C1orf21: variants seen among roughly 807,000 people sequenced by gnomAD.
C1orf21 encodes uncharacterized protein C1orf21.
A neutral mutation model predicts 18.7 loss-of-function variants in C1orf21; 3 were observed. That is an observed-to-expected ratio of 0.16 (90% CI 0.07 to 0.42). C1orf21 has a LOEUF of 0.42. Among genes scored for constraint, C1orf21 ranks in the 10% least tolerant of loss-of-function variants. The pLI is 0.99. For missense variants in C1orf21, 104 were observed against 143.6 expected, an observed-to-expected ratio of 0.72 and a Z score of 1.41; for synonymous variants, 41 against 46.4, an observed-to-expected ratio of 0.88 and a Z score of 0.47.
chr1:184,619,391 A>G (rs940778482), intron 5 of C1orf21, 127 bp from the exon 6 acceptor site: 7 of 979,628 alleles, frequency 7.1e-6, no homozygotes, highest in African/African-American at 1.7e-5. Context: ...TGTGCCAGCT[A>G]TCACTGACAA....
chr1:184,399,838 C>T (rs2101956476), intron 1 of C1orf21, among the ~76,000 whole-genome samples: 1 of 152,252 alleles, frequency 6.6e-6, no homozygotes, highest in East Asian at 1.9e-4. Context: ...ATTCTGTCAT[C>T]CCTTCTGCAT....
intron 1 of C1orf21, among the ~76,000 whole-genome samples, chr1:184,430,558 T>G (rs1222310434): frequency 6.6e-6 from 1 of 152,224 alleles, no homozygotes; most frequent in African/African-American, 2.4e-5. Context: ...AAATTTGAAT[T>G]TATAGAATTT....
At chr1:184,590,908 T>G (rs1659427490) in intron 4 of C1orf21, 93 bp downstream of exon 4, 3 of 1,199,272 alleles carry the variant, frequency 2.5e-6, no homozygotes, top group Non-Finnish European at 2.4e-6. Context: ...ATCAAAAATA[T>G]TCAAAAAATA....
chr1:184,619,323 C>A (rs1395844277), intron 5 of C1orf21, among the ~76,000 whole-genome samples, 195 bp from the exon 6 acceptor site: 1 of 152,082 alleles, frequency 6.6e-6, no homozygotes, highest in Non-Finnish European at 1.5e-5. Context: ...AACTGTCATG[C>A]CTTGAAGTAT....
chr1:184,432,428 C>T (rs1427265717), intron 1 of C1orf21, among the ~76,000 whole-genome samples: 5 of 152,032 alleles, frequency 3.3e-5, no homozygotes, highest in Non-Finnish European at 5.9e-5. Context: ...AACAGAAAAC[C>T]AAACACTGCA....
intron 1 of C1orf21, among the ~76,000 whole-genome samples, chr1:184,456,441 C>A (rs1290552531): frequency 6.6e-6 from 1 of 152,044 alleles, no homozygotes; most frequent in Non-Finnish European, 1.5e-5. Context: ...TTTAATTAAC[C>A]AAGTTAAGTA....
At chr1:184,591,041 G>A (rs1224364186) in intron 4 of C1orf21, among the ~76,000 whole-genome samples, 6 of 152,180 alleles carry the variant, frequency 3.9e-5, no homozygotes, top group African/African-American at 1.2e-4. Context: ...ATCTAGAGAT[G>A]ATTTAGAGTA....
intron 3 of C1orf21, among the ~76,000 whole-genome samples, chr1:184,559,593 T>TCCTC (rs760280990): frequency 1.4e-4 from 17 of 117,994 alleles, no homozygotes; most frequent in Admixed American, 1.3e-3. Context: ...CTTCCTCCCT[T>TCCTC]CCTTCCTTCC....
intron 4 of C1orf21, among the ~76,000 whole-genome samples, chr1:184,593,752 G>T (rs575603207): frequency 2.0e-5 from 3 of 152,182 alleles, no homozygotes; most frequent in Non-Finnish European, 4.4e-5. Context: ...AGGAGGTTGC[G>T]TGAATGCACC....
intron 1 of C1orf21, among the ~76,000 whole-genome samples, chr1:184,477,134 T>C (rs144862275): frequency 1.4e-4 from 22 of 152,274 alleles, no homozygotes; most frequent in African/African-American, 5.3e-4. Context: ...ATTTTTGGTA[T>C]CTCCTCAAAA....
At chr1:184,422,745 A>G (rs562534214) in intron 1 of C1orf21, among the ~76,000 whole-genome samples, 9 of 152,328 alleles carry the variant, frequency 5.9e-5, no homozygotes, top group South Asian at 4.1e-4. Flanking sequence ...CTTCCCGTAC[A>G]TATCTCTCTG....
At chr1:184,410,470 A>G (rs1246001666) in intron 1 of C1orf21, among the ~76,000 whole-genome samples, 1 of 149,646 alleles carries the variant, frequency 6.7e-6, no homozygotes, top group Non-Finnish European at 1.5e-5. Flanking sequence ...AACAAATTAC[A>G]GTGAATTTTT....
At chr1:184,477,298 A>C in intron 1 of C1orf21, 88 bp from the exon 2 acceptor site, 1 of 531,396 alleles carries the variant, frequency 1.9e-6, no homozygotes, top group South Asian at 2.2e-5. Flanking sequence ...GACTTCTAGT[A>C]TACTGCAGGG....
chr1:184,388,729 T>G (rs977100601), intron 1 of C1orf21, among the ~76,000 whole-genome samples: 2 of 151,912 alleles, frequency 1.3e-5, no homozygotes, highest in Middle Eastern at 3.2e-3. Context: ...AGGGGATGGG[T>G]TCAGCTTCTG....
chr1:184,437,101 C>T (rs1656870852), intron 1 of C1orf21, among the ~76,000 whole-genome samples: 1 of 152,024 alleles, frequency 6.6e-6, no homozygotes, highest in Non-Finnish European at 1.5e-5. Flanking sequence ...GTGAAGAAAT[C>T]CTCTTGACAC....
At chr1:184,473,725 T>C (rs1315732411) in intron 1 of C1orf21, among the ~76,000 whole-genome samples, 1 of 152,204 alleles carries the variant, frequency 6.6e-6, no homozygotes, top group African/African-American at 2.4e-5. Context: ...ACCTGACATT[T>C]CTTGATATGC....
At chr1:184,496,494 T>C (rs969881882) in intron 2 of C1orf21, among the ~76,000 whole-genome samples, 1 of 152,184 alleles carries the variant, frequency 6.6e-6, no homozygotes, top group Non-Finnish European at 1.5e-5. Flanking sequence ...AGAGTCACAT[T>C]CACCCACTGG....
intron 5 of C1orf21, among the ~76,000 whole-genome samples, chr1:184,619,118 T>C (rs1659876870): frequency 6.6e-6 from 1 of 152,232 alleles, no homozygotes; most frequent in African/African-American, 2.4e-5. Flanking sequence ...TTGTATGCTG[T>C]CTGTAGAATG....
chr1:184,463,260 G>A (rs1406714242), intron 1 of C1orf21, among the ~76,000 whole-genome samples: 1 of 151,994 alleles, frequency 6.6e-6, no homozygotes. Flanking sequence ...TCAGGGTAGG[G>A]CTTGGGATGT....
Sources: gnomAD v4.1 joint callset for allele counts (sites outside exome capture counted in the v4.1 genomes callset) on GRCh38, gnomAD v4.1.1 for gene constraint, MANE v1.5 for transcripts, NCBI Gene and HGNC (gene_info 2026-07-23, HGNC 2026-07-21) for gene names.